MRC2: variants seen among roughly 807,000 people sequenced by gnomAD.
MRC2 encodes mannose receptor C-type 2.
In MRC2, 84 loss-of-function variants were observed where a neutral mutation model predicts 206.2. That is an observed-to-expected ratio of 0.41 (90% confidence interval 0.34 to 0.49). The LOEUF (loss-of-function observed/expected upper bound fraction) is 0.49, where lower values mean the gene tolerates loss of function less well. Ranked by LOEUF, MRC2 falls within the 20% of genes least tolerant of loss-of-function variation. The pLI is 0.31. For missense variants in MRC2, 1,676 were observed against 2,001.5 expected, an observed-to-expected ratio of 0.84 and a Z score of 3.10; for synonymous variants, 798 against 800.0, an observed-to-expected ratio of 1.00 and a Z score of 0.04.
Position 62,645,527 on chromosome 17 carries a change from ATTTT to A in MRC2, c.118+17628_118+17631del, listed in dbSNP as rs1164231785. ...TATATATATATATATATATATATAT[ATTTT>A]TTTTTTTTTTTTTTTTTTTTGAGAT... On this transcript the variant is annotated intron_variant, in intron 1 of 29. Transcript: ENST00000303375. 2.4e-3 allele frequency among the ~76,000 whole-genome samples: 94 copies of A among 39,450 alleles called. No individual in the cohort carries two copies. In the East Asian group the frequency reaches 0.024, roughly 10 times the overall value. The allele number at this position is 39,450 out of a possible 152,430, so 25.9% of individuals were successfully genotyped here.
At position 62,652,497 on chromosome 17, in the gene MRC2, T is replaced by C. The variant is rs1249042437; in HGVS notation, c.119-12051T>C. 1.3e-5 allele frequency among the ~76,000 whole-genome samples: 2 copies of C among 152,186 alleles called. No homozygotes were observed. The highest frequency in any genetic ancestry group is 4.8e-5 in the African/African-American group (2 of 41,462). The stretch of plus-strand genomic sequence containing the variant: ...CGGCCTGGTCAATGAGGTTGGATCG[T>C]TGGCCCAGAAAGCCACTTCCTGCCG... On this transcript the variant is annotated intron_variant, in intron 1 of 29. Transcript: ENST00000303375. The surrounding 1 kb of genome is among the most constrained non-coding windows in gnomAD (Gnocchi z 4.6).
In MRC2 at chr17:62,665,413, CA is replaced by C. The variant is rs533169133; in HGVS notation, c.520+475del. On this transcript the variant is annotated intron_variant, in intron 2 of 29. Transcript: ENST00000303375. ...GAGCAAGACTCTGTCCCCCCCCCCA[CA>C]AAAAAAAAAAGAAAAGAAAAGAAAA... is the stretch of plus-strand genomic sequence containing the variant. 4.9e-3 allele frequency among the ~76,000 whole-genome samples: 583 copies of C among 118,324 alleles called. 4 individuals carry two copies. The highest frequency in any genetic ancestry group is 0.015 in the African/African-American group (490 of 33,600). 77.6% of individuals were successfully genotyped at this position (118,324 alleles called of 152,430 possible). A position where few individuals can be genotyped will look rare whatever the true frequency, so the allele number is the denominator to read the frequency against.
chr17:62,657,940 C>G (rs113254302), intron 1 of MRC2, among the ~76,000 whole-genome samples: 1 of 152,134 alleles, frequency 6.6e-6, no homozygotes, highest in East Asian at 1.9e-4. Context: ...AGAGTCCCCC[C>G]GGATCCACCT....
intron 1 of MRC2, among the ~76,000 whole-genome samples, chr17:62,661,282 G>A (rs1286818760): frequency 6.6e-6 from 1 of 152,166 alleles, no homozygotes; most frequent in Non-Finnish European, 1.5e-5. Flanking sequence ...AATTCAAGCA[G>A]GAGGAAGACT....
At chr17:62,663,451 CA>C (rs1366837371) in intron 1 of MRC2, among the ~76,000 whole-genome samples, 1 of 152,092 alleles carries the variant, frequency 6.6e-6, no homozygotes, top group Non-Finnish European at 1.5e-5. Flanking sequence ...GTCATATCCC[CA>C]AAAGAAGCAC....
chr17:62,681,583 C>T, intron 18 of MRC2: 1 of 498,058 alleles, frequency 2.0e-6, no homozygotes, highest in Non-Finnish European at 3.5e-6. Context: ...CCTTGGGCTT[C>T]CTGCCCTGGA....
intron 1 of MRC2, among the ~76,000 whole-genome samples, chr17:62,658,783 C>T (rs1252669202): frequency 6.6e-6 from 1 of 152,206 alleles, no homozygotes; most frequent in Admixed American, 6.5e-5. Context: ...GCCCCAGGCC[C>T]CTTTGGCTAC....
chr17:62,678,574 G>A lies in MRC2; in HGVS notation c.2123G>A (p.Gly708Glu), dbSNP rs540465342. ...VQAQGACQEL[G>E]AQLLSLASYE... is the part of the protein sequence containing the mutation. ...GCCCAGGGGGCCTGCCAGGAGCTGG[G>A]GGCCCAGCTGCTGAGCCTGGCCAGC... is the stretch of plus-strand genomic sequence containing the variant. The change falls in exon 13 of 30, where the codon GGG becomes GAG. Residue 708 changes from glycine to glutamate, a missense_variant. Around this residue, in one of 3 missense-constraint regions of MRC2, gnomAD observed 1,354 missense variants for 1,636.6 expected, o/e 0.83. Transcript: ENST00000303375. 1 of 1,608,928 alleles carries A rather than the reference G, an allele frequency of 6.2e-7. No individual in the cohort carries two copies. The highest frequency in any genetic ancestry group is 8.5e-7 in the Non-Finnish European group (1 of 1,178,688).
chr17:62,649,909 A>AT (rs1171634225), intron 1 of MRC2, among the ~76,000 whole-genome samples: 3 of 148,856 alleles, frequency 2.0e-5, no homozygotes, highest in East Asian at 2.0e-4. Flanking sequence ...TTTTTTTAAA[A>AT]TTTTTTTGAG....
At position 62,680,041 on chromosome 17, in the gene MRC2, G is replaced by T. The variant is rs1158665315; in HGVS notation, c.2299-129G>T. 2.6e-6 allele frequency: 4 copies of T among 1,523,488 alleles called. No homozygotes were observed. The highest frequency in any genetic ancestry group is 1.8e-5 in the Admixed American group (1 of 55,794). The allele number at this position is 1,523,488 out of a possible 1,614,324, so 94.4% of individuals were successfully genotyped here. A position where few individuals can be genotyped will look rare whatever the true frequency, so the allele number is the denominator to read the frequency against. On this transcript the variant is annotated intron_variant, in intron 14 of 29. Coordinates refer to ENST00000303375, the MANE Select transcript of MRC2 (RefSeq NM_006039.5). The surrounding 1 kb of genome is among the most constrained non-coding windows in gnomAD (Gnocchi z 4.8). Reference sequence around the variant, plus strand: ...GAGCCGGCTTCAGGAAAGCAGGTCCGAGAGGGGTCACCCGGCCCCCGGTGA... The same window carrying T: ...GAGCCGGCTTCAGGAAAGCAGGTCCTAGAGGGGTCACCCGGCCCCCGGTGA...
chr17:62,668,356 C>CAA (rs10631546), intron 6 of MRC2, among the ~76,000 whole-genome samples: 1,455 of 122,852 alleles, frequency 0.012, 10 homozygotes, highest in African/African-American at 0.02. Context: ...GACCCTGCCT[C>CAA]AAAAAATAAA....
intron 1 of MRC2, among the ~76,000 whole-genome samples, chr17:62,663,631 C>T (rs901254330): frequency 1.3e-5 from 2 of 151,862 alleles, no homozygotes; most frequent in Admixed American, 1.3e-4. Context: ...GCCTGCTCAG[C>T]GAGGAGATAG....
At chr17:62,656,341 A>G (rs552454134) in intron 1 of MRC2, among the ~76,000 whole-genome samples, 2 of 152,048 alleles carry the variant, frequency 1.3e-5, no homozygotes, top group South Asian at 4.2e-4. Context: ...CACCACGCCC[A>G]GCCTACACCT....
At chr17:62,656,469 G>A (rs1007027336) in intron 1 of MRC2, among the ~76,000 whole-genome samples, 1 of 152,250 alleles carries the variant, frequency 6.6e-6, no homozygotes, top group Non-Finnish European at 1.5e-5. Flanking sequence ...AGGGATTACA[G>A]GCATGAGCCA....
At chr17:62,646,118 A>G (rs1164826782) in intron 1 of MRC2, among the ~76,000 whole-genome samples, 5 of 144,128 alleles carry the variant, frequency 3.5e-5, no homozygotes, top group East Asian at 2.0e-4. Context: ...TCTGCCTCCC[A>G]GGTTCACACC....
chr17:62,635,882 G>A (rs746737590), intron 1 of MRC2, among the ~76,000 whole-genome samples: 89 of 151,576 alleles, frequency 5.9e-4, no homozygotes, highest in African/African-American at 1.8e-3. Context: ...CTGCCTCCCC[G>A]GTTCACGCAA....
At chr17:62,645,525 A>ATT (rs1181105850) in intron 1 of MRC2, among the ~76,000 whole-genome samples, 205 of 38,562 alleles carry the variant, frequency 5.3e-3, no homozygotes, top group Middle Eastern at 0.029. Context: ...ATATATATAT[A>ATT]TATTTTTTTT....
At position 62,688,648 on chromosome 17, in the gene MRC2, C is replaced by T; in HGVS notation, c.3209C>T (p.Pro1070Leu). ...GAGCCCTCTGGCCCTAGCCCTGCTC[C>T]CAGTGGCAACAAACCGGTGAGGATG... ...PGEPSGPSPA[P>L]SGNKPTSCAV... The change falls in exon 22 of 30, where the codon CCC becomes CTC. Residue 1070 changes from proline to leucine, a missense_variant. Transcript: ENST00000303375. The T allele has an allele frequency of 6.2e-7, 1 of 1,613,884 alleles. No homozygotes were observed. The highest frequency in any genetic ancestry group is 1.3e-5 in the African/African-American group (1 of 75,070).
chr17:62,649,420 G>A (rs1436713944), intron 1 of MRC2, among the ~76,000 whole-genome samples: 5 of 152,186 alleles, frequency 3.3e-5, no homozygotes, highest in South Asian at 2.1e-4. Context: ...GCGAAACCCC[G>A]TCTCTACTAA....
Sources: gnomAD v4.1 joint callset for allele counts (sites outside exome capture counted in the v4.1 genomes callset) on GRCh38, gnomAD v4.1.1 for gene constraint, gnomAD v4.1.1 regional missense constraint, Gnocchi (gnomAD v3.1) non-coding constraint, MANE v1.5 for transcripts, NCBI Gene and HGNC (gene_info 2026-07-23, HGNC 2026-07-21) for gene names.